The following PCCA variants were observed in gnomAD, a reference collection of about 807,000 sequenced individuals.
PCCA encodes propionyl-CoA carboxylase subunit alpha, also known as propionyl-CoA carboxylase alpha chain, mitochondrial.
PCCA carries 74 observed loss-of-function variants against 101.3 expected under a neutral mutation model. The observed-to-expected ratio is 0.73, with a 90% CI of 0.61 to 0.89. The LOEUF (loss-of-function observed/expected upper bound fraction) is 0.89, where lower values mean the gene tolerates loss of function less well. PCCA is among the 40% of genes least tolerant of loss of function. The pLI, the probability that PCCA is intolerant of heterozygous loss-of-function variation, is 0.00. For synonymous variants in PCCA, 294 were observed against 313.6 expected (o/e 0.94, Z 0.66); for missense variants, 891 against 907.0 (o/e 0.98, Z 0.23).
intron 4 of PCCA, among the ~76,000 whole-genome samples, chr13:100,141,577 A>AT (rs887837125): frequency 3.3e-5 from 5 of 151,752 alleles, no homozygotes; most frequent in African/African-American, 4.8e-5. Flanking sequence ...TGTCCAGCTG[A>AT]TTTTTTTGTA....
intron 2 of PCCA, among the ~76,000 whole-genome samples, chr13:100,106,301 A>G (rs1326390203): frequency 3.3e-5 from 5 of 152,212 alleles, no homozygotes; most frequent in African/African-American, 9.7e-5. Flanking sequence ...ACTTGCTTTC[A>G]TTATAACCTC....
At chr13:100,361,421 A>G (rs1173689387) in intron 18 of PCCA, among the ~76,000 whole-genome samples, 2 of 147,150 alleles carry the variant, frequency 1.4e-5, no homozygotes, top group Middle Eastern at 3.5e-3. Context: ...TTGTCAACCT[A>G]AAACTGCTTT....
At chr13:100,337,386 C>G (rs906736056) in intron 17 of PCCA, among the ~76,000 whole-genome samples, 1 of 152,128 alleles carries the variant, frequency 6.6e-6, no homozygotes, top group Non-Finnish European at 1.5e-5. Context: ...CAGTGGAGAC[C>G]GTTCAAAGGG....
At chr13:100,270,840 C>G (rs567287477) in intron 11 of PCCA, among the ~76,000 whole-genome samples, 1 of 151,824 alleles carries the variant, frequency 6.6e-6, no homozygotes, top group East Asian at 1.9e-4. Context: ...GGGACCTCAT[C>G]TTCACAAAAA....
intron 10 of PCCA, among the ~76,000 whole-genome samples, chr13:100,264,739 G>C (rs1178150233): frequency 6.6e-6 from 1 of 152,094 alleles, no homozygotes; most frequent in Non-Finnish European, 1.5e-5. Context: ...GGTATTGTTG[G>C]ATTACATAGT....
chr13:100,440,827 G>C (rs1317991028), intron 20 of PCCA, among the ~76,000 whole-genome samples: 1 of 152,122 alleles, frequency 6.6e-6, no homozygotes, highest in African/African-American at 2.4e-5. Context: ...TTCGAATGAA[G>C]TAGGAAATGA....
intron 2 of PCCA, among the ~76,000 whole-genome samples, chr13:100,103,385 C>T (rs1195971044): frequency 1.3e-5 from 2 of 150,806 alleles, no homozygotes; most frequent in East Asian, 1.9e-4. Context: ...GATCTAGGCT[C>T]ACTGCAACCT....
At chr13:100,095,129 G>A (rs918429656) in intron 1 of PCCA, among the ~76,000 whole-genome samples, 1 of 152,164 alleles carries the variant, frequency 6.6e-6, no homozygotes, top group African/African-American at 2.4e-5. Context: ...CATCACTCCA[G>A]TCTCTGCCTC....
At chr13:100,328,946 C>T (rs145228583) in intron 16 of PCCA, among the ~76,000 whole-genome samples, 2,562 of 150,800 alleles carry the variant, frequency 0.017, 92 homozygotes, top group African/African-American at 0.059. Context: ...CCTGCCTCGG[C>T]CTCCCAAAGT....
intron 12 of PCCA, among the ~76,000 whole-genome samples, chr13:100,296,899 A>G (rs977396249): frequency 1.3e-5 from 2 of 152,220 alleles, no homozygotes; most frequent in Non-Finnish European, 2.9e-5. Flanking sequence ...TAAAAGAAAA[A>G]AAAATCTGGT....
intron 12 of PCCA, among the ~76,000 whole-genome samples, chr13:100,284,741 T>G (rs949548880): frequency 4.6e-4 from 70 of 152,224 alleles, no homozygotes; most frequent in African/African-American, 1.6e-3. Context: ...TTCTTCTATA[T>G]TTCCCTGCAC....
intron 6 of PCCA, among the ~76,000 whole-genome samples, chr13:100,184,470 T>C (rs760061544): frequency 2.3e-4 from 35 of 152,228 alleles, no homozygotes; most frequent in Admixed American, 3.3e-4. Flanking sequence ...CTCCGTAAGA[T>C]AGCTATTCAA....
rs2046021888 is a variant in PCCA, at chr13:100,089,119, C to T, written c.-2C>T. On this transcript the variant is annotated 5_prime_UTR_variant, in exon 1 of 24. Transcript: ENST00000376285. ...GCAGAGGGGCGGTCTGCGGGGACAA[C>T]AATGGCGGGGTTCTGGGTCGGGACA... 2.0e-6 allele frequency: 3 copies of T among 1,499,738 alleles called. No homozygotes were observed. The highest frequency in any genetic ancestry group is 8.9e-7 in the Non-Finnish European group (1 of 1,121,426). 92.9% of individuals were successfully genotyped at this position (1,499,738 alleles called of 1,614,324 possible). A position where few individuals can be genotyped will look rare whatever the true frequency, so the allele number is the denominator to read the frequency against.
In PCCA at chr13:100,089,150, G is replaced by A. The variant is rs1206173421; in HGVS notation, c.30G>A (p.Pro10=). MAGFWVGTA[P]LVAAGRRGRW... is the part of the protein sequence containing the mutation. Reference sequence around the variant, plus strand: ...CGGGGTTCTGGGTCGGGACAGCACCGCTGGTCGCTGCCGGACGGCGTGGGC... The same window carrying A: ...CGGGGTTCTGGGTCGGGACAGCACCACTGGTCGCTGCCGGACGGCGTGGGC... Residue 10 remains proline (P), a synonymous_variant, in exon 1 of 24, where the codon CCG becomes CCA. Coordinates refer to ENST00000376285, the MANE Select transcript of PCCA (RefSeq NM_000282.4). 6.6e-7 allele frequency: 1 copy of A among 1,523,052 alleles called. No homozygotes were observed. Among genetic ancestry groups the A allele is most frequent in the Non-Finnish European group, 8.8e-7 (1 of 1,136,218 alleles). The allele number at this position is 1,523,052 out of a possible 1,614,324, so 94.3% of individuals were successfully genotyped here.
chr13:100,157,816 A>C (rs892448994), intron 6 of PCCA, among the ~76,000 whole-genome samples: 15 of 152,296 alleles, frequency 9.8e-5, no homozygotes, highest in South Asian at 8.3e-4. Flanking sequence ...TATATTTATA[A>C]CTTCATTCAA....
chr13:100,458,490 C>T (rs1486009438), intron 21 of PCCA, among the ~76,000 whole-genome samples: 1 of 146,592 alleles, frequency 6.8e-6, no homozygotes, highest in Non-Finnish European at 1.5e-5. Context: ...CACACACTAG[C>T]GGAGTATGGT....
At chr13:100,410,246 T>TG (rs1373208458) in intron 19 of PCCA, among the ~76,000 whole-genome samples, 8 of 152,108 alleles carry the variant, frequency 5.3e-5, no homozygotes, top group Non-Finnish European at 1.0e-4. Context: ...GTTGTTTTGT[T>TG]TTGTTTTGTT....
chr13:100,204,055 ACT>A (rs2058703627), intron 6 of PCCA, among the ~76,000 whole-genome samples: 1 of 150,520 alleles, frequency 6.6e-6, no homozygotes, highest in East Asian at 2.0e-4. Context: ...TACCAGAAAC[ACT>A]CTTTTCTTTT....
At chr13:100,413,541 A>C (rs1044592260) in intron 19 of PCCA, among the ~76,000 whole-genome samples, 8 of 152,222 alleles carry the variant, frequency 5.3e-5, no homozygotes, top group Non-Finnish European at 1.0e-4. Flanking sequence ...TAGATCTCTA[A>C]TAATCATTTT....
Sources: gnomAD v4.1 joint callset for allele counts (sites outside exome capture counted in the v4.1 genomes callset) on GRCh38, gnomAD v4.1.1 for gene constraint, MANE v1.5 for transcripts, NCBI Gene and HGNC (gene_info 2026-07-23, HGNC 2026-07-21) for gene names.